The following UBE2E3 variants were observed in gnomAD, a reference collection of about 807,000 sequenced individuals.
UBE2E3 encodes ubiquitin-conjugating enzyme E2 E3.
In UBE2E3, 5 loss-of-function variants were observed where a neutral mutation model predicts 23.6. The ratio of observed to expected loss-of-function variants is 0.21; its 90% CI spans 0.11 to 0.44. The LOEUF is 0.44. Ranked by LOEUF, UBE2E3 falls within the 20% of genes least tolerant of loss-of-function variation. The pLI, the probability that UBE2E3 is intolerant of heterozygous loss-of-function variation, is 0.99. For synonymous variants in UBE2E3, 78 were observed against 87.5 expected (o/e 0.89, Z 0.60); for missense variants, 81 against 249.8 (o/e 0.32, Z 4.55).
At chr2:180,984,283 A>G (rs185627757) in intron 3 of UBE2E3, among the ~76,000 whole-genome samples, 190 bp downstream of exon 3, 4 of 152,350 alleles carry the variant, frequency 2.6e-5, no homozygotes, top group African/African-American at 7.2e-5. Context: ...TAGCATAAGT[A>G]TACATTGTGG....
intron 3 of UBE2E3, among the ~76,000 whole-genome samples, chr2:181,056,134 T>C (rs1686982661): frequency 6.6e-6 from 1 of 151,502 alleles, no homozygotes; most frequent in Non-Finnish European, 1.5e-5. Flanking sequence ...AGGAGTCATT[T>C]TGAAAGGGTT....
chr2:181,034,847 A>C (rs1185632920), intron 3 of UBE2E3, among the ~76,000 whole-genome samples: 1 of 152,190 alleles, frequency 6.6e-6, no homozygotes, highest in Non-Finnish European at 1.5e-5. Flanking sequence ...AAATGATTTG[A>C]GTAATAGAAA....
At chr2:181,058,260 A>G (rs1218113445) in intron 4 of UBE2E3, among the ~76,000 whole-genome samples, 1 of 151,780 alleles carries the variant, frequency 6.6e-6, no homozygotes, top group Non-Finnish European at 1.5e-5. Context: ...TAGATAAGCA[A>G]AAACTTCATA....
At chr2:181,015,701 T>C (rs1685465144) in intron 3 of UBE2E3, among the ~76,000 whole-genome samples, 1 of 152,030 alleles carries the variant, frequency 6.6e-6, no homozygotes, top group Admixed American at 6.6e-5. Context: ...AATCGACATT[T>C]AAAAAATAAA....
intron 3 of UBE2E3, among the ~76,000 whole-genome samples, chr2:181,021,152 T>C (rs192828676): frequency 2.0e-5 from 3 of 152,192 alleles, no homozygotes; most frequent in East Asian, 3.9e-4. Context: ...CTTTCACATA[T>C]AGTAATGTAG....
At chr2:181,025,336 C>T (rs1404551134) in intron 3 of UBE2E3, among the ~76,000 whole-genome samples, 1 of 151,872 alleles carries the variant, frequency 6.6e-6, no homozygotes. Flanking sequence ...ATTTTTATTA[C>T]CACTATGCAA....
At chr2:180,990,073 A>G in intron 3 of UBE2E3, 1 of 1,208,348 alleles carries the variant, frequency 8.3e-7, no homozygotes, top group Non-Finnish European at 1.1e-6. Flanking sequence ...GGGCATTTTA[A>G]TTGGAATCTG....
At position 180,980,749 on chromosome 2, in the gene UBE2E3, C is replaced by G. The variant is rs1559108272; in HGVS notation, c.-250C>G. 1.3e-5 allele frequency: 2 copies of G among 148,810 alleles called. No individual in the cohort carries two copies. Among genetic ancestry groups the G allele is most frequent in the Non-Finnish European group, 3.0e-5 (2 of 66,848 alleles). The allele number at this position is 148,810 out of a possible 1,614,324, so 9.2% of individuals were successfully genotyped here. On this transcript the variant is annotated 5_prime_UTR_variant, in exon 1 of 6. Coordinates refer to ENST00000410062, the MANE Select transcript of UBE2E3 (RefSeq NM_006357.4). This position sits in a 1 kb window ranked among gnomAD's most constrained non-coding sequence, Gnocchi z 5.5. ...CCGAGCTCCCACCCCCGCTTTTTTC[C>G]GAAGGCGCTGGGCGGCGCCACCCTC...
rs16867376 is a variant in UBE2E3, at chr2:181,024,116, A to G, written c.246-33577A>G. Among the ~76,000 whole-genome samples, 409 of 152,232 alleles carry G rather than the reference A, an allele frequency of 2.7e-3. 1 individual carries two copies. Among genetic ancestry groups the G allele is most frequent in the African/African-American group, 9.4e-3 (390 of 41,564 alleles). On this transcript the variant is annotated intron_variant, in intron 3 of 5. Transcript: ENST00000410062. ...GGTAAACATGTATGTTCAGTCCTTCACTATGAGTGAGCCAAAAGTTCATAT... is the reference window on the plus strand; with the variant it reads ...GGTAAACATGTATGTTCAGTCCTTCGCTATGAGTGAGCCAAAAGTTCATAT...
intron 4 of UBE2E3, among the ~76,000 whole-genome samples, chr2:181,059,700 T>C (rs1475375988): frequency 6.6e-6 from 1 of 151,680 alleles, no homozygotes; most frequent in Non-Finnish European, 1.5e-5. Flanking sequence ...TATATGCACA[T>C]GTAACTAGTA....
intron 3 of UBE2E3, among the ~76,000 whole-genome samples, chr2:181,048,260 A>G (rs996677721): frequency 6.6e-6 from 1 of 152,154 alleles, no homozygotes; most frequent in African/African-American, 2.4e-5. Context: ...CTATATCCTC[A>G]GCTTGGCTGA....
rs1451258170 is a variant in UBE2E3 at position 181,007,775 on chromosome 2, A to G, written c.245+23682A>G. Among the ~76,000 whole-genome samples the G allele has an allele frequency of 2.6e-5, 4 of 152,194 alleles. No homozygotes were observed. The South Asian group carries it at 6.2e-4, about 24-fold the overall frequency. On this transcript the variant is annotated intron_variant, in intron 3 of 5. Transcript: ENST00000410062. ...CTAGTGCTGGACAGGAGAACTTTCCACAATGGTAGAAGGGCTTGATATCTG... is the reference window on the plus strand; with the variant it reads ...CTAGTGCTGGACAGGAGAACTTTCCGCAATGGTAGAAGGGCTTGATATCTG...
At chr2:181,054,080 T>C (rs1228398650) in intron 3 of UBE2E3, among the ~76,000 whole-genome samples, 1 of 151,868 alleles carries the variant, frequency 6.6e-6, no homozygotes, top group Non-Finnish European at 1.5e-5. Flanking sequence ...CCACAGTTTA[T>C]ATATCCATTC....
intron 3 of UBE2E3, among the ~76,000 whole-genome samples, chr2:181,016,608 A>C (rs543544696): frequency 3.9e-5 from 6 of 152,202 alleles, no homozygotes; most frequent in Admixed American, 1.3e-4. Flanking sequence ...ATCCCAGCTC[A>C]AGTCTGTTGA....
At chr2:181,006,743 CATCAT>C (rs1313815660) in intron 3 of UBE2E3, among the ~76,000 whole-genome samples, 1 of 152,082 alleles carries the variant, frequency 6.6e-6, no homozygotes, top group Non-Finnish European at 1.5e-5. Flanking sequence ...TGGGTCCTTT[CATCAT>C]AAAGCAACCC....
At chr2:181,006,493 A>G (rs780058853) in intron 3 of UBE2E3, among the ~76,000 whole-genome samples, 4 of 151,934 alleles carry the variant, frequency 2.6e-5, no homozygotes, top group African/African-American at 9.7e-5. Context: ...TTGAATTTCA[A>G]ATAAACAATA....
intron 3 of UBE2E3, among the ~76,000 whole-genome samples, chr2:181,039,473 T>C (rs892365912): frequency 2.6e-5 from 4 of 152,022 alleles, no homozygotes; most frequent in Non-Finnish European, 5.9e-5. Flanking sequence ...AAAAACATTG[T>C]CTTAAGAGTG....
At chr2:181,005,635 C>A (rs1048013869) in intron 3 of UBE2E3, among the ~76,000 whole-genome samples, 1 of 152,126 alleles carries the variant, frequency 6.6e-6, no homozygotes, top group African/African-American at 2.4e-5. Context: ...CTGTGTGGCA[C>A]CTTACTGACA....
At position 180,984,070 on chromosome 2, in the gene UBE2E3, C is replaced by A. The variant is rs781026081; in HGVS notation, c.222C>A (p.Thr74=). The A allele has an allele frequency of 1.2e-5, 20 of 1,611,220 alleles. No homozygotes were observed. Among genetic ancestry groups the A allele is most frequent in the Non-Finnish European group, 1.5e-5 (18 of 1,178,266 alleles). Residue 74 remains threonine, a synonymous_variant, in exon 3 of 6, where the codon ACC becomes ACA. Coordinates refer to ENST00000410062, the MANE Select transcript of UBE2E3 (RefSeq NM_006357.4). ...KRIQKELAEI[T]LDPPPNCSAG... is the part of the protein sequence containing the mutation. ...TTCAGAAGGAGCTAGCTGAAATAAC[C>A]CTTGATCCTCCTCCTAATTGCAGGT... is the stretch of plus-strand genomic sequence containing the variant.
Sources: gnomAD v4.1 joint callset for allele counts (sites outside exome capture counted in the v4.1 genomes callset) on GRCh38, gnomAD v4.1.1 for gene constraint, Gnocchi (gnomAD v3.1) non-coding constraint, MANE v1.5 for transcripts, NCBI Gene and HGNC (gene_info 2026-07-23, HGNC 2026-07-21) for gene names.